The following ARHGEF18 variants were observed in gnomAD, a reference collection of about 807,000 sequenced individuals.
The protein encoded by ARHGEF18 is Rho/Rac guanine nucleotide exchange factor 18.
Under a neutral mutation model 155.7 loss-of-function variants are expected in ARHGEF18, and 93 were observed. The ratio of observed to expected loss-of-function variants is 0.60; its 90% CI spans 0.50 to 0.71. The LOEUF (loss-of-function observed/expected upper bound fraction) is 0.71. Among genes scored for constraint, ARHGEF18 ranks in the 30% least tolerant of loss-of-function variants. The pLI, the probability that ARHGEF18 is intolerant of heterozygous loss-of-function variation, is 0.00. For missense variants in ARHGEF18, 1,593 were observed against 1,816.1 expected (o/e 0.88, Z 2.23); for synonymous variants, 742 against 753.1 (o/e 0.99, Z 0.24).
In ARHGEF18 at chr19:7,411,856, C is replaced by T. The variant is rs77864030; in HGVS notation, c.968-28488C>T. Among the ~76,000 whole-genome samples the T allele has an allele frequency of 9.5e-3, 1,445 of 152,158 alleles. 24 individuals are homozygous for T. Among genetic ancestry groups the T allele is most frequent in the African/African-American group, 0.032 (1,335 of 41,532 alleles). On this transcript the variant is annotated intron_variant, in intron 10 of 28. Transcript: ENST00000668164. The stretch of plus-strand genomic sequence containing the variant: ...GACCTCCTAGAAGTGGAGTCACATA[C>T]GATGTATTCTTTTGTGACTGGCTTA...
chr19:7,440,509 C>T lies in ARHGEF18; in HGVS notation c.1106+27C>T, dbSNP rs547057092. 9 of 1,574,018 alleles carry T rather than the reference C, an allele frequency of 5.7e-6. 1 individual carries two copies. The highest frequency in any genetic ancestry group is 5.2e-6 in the Non-Finnish European group (6 of 1,164,970). ...TAAGCCAGGGTCCCCTCTGTGCCCT[C>T]GGGTGGGTGGTGGCATTCCCCGGGG... is the stretch of plus-strand genomic sequence containing the variant. On this transcript the variant is annotated intron_variant, in intron 11 of 28. Coordinates refer to ENST00000668164, the MANE Select transcript of ARHGEF18 (RefSeq NM_001367823.1). This position sits in a 1 kb window ranked among gnomAD's most constrained non-coding sequence, Gnocchi z 5.4.
rs762390589 is a variant in ARHGEF18, at chr19:7,451,173, C to T, written c.1762C>T (p.Arg588Trp). ...GAAAATTGGCAACTTCTCCATCGTGCGGCGGCTTGGCGTGCAGGAGTGCAT... is the reference window on the plus strand; with the variant it reads ...GAAAATTGGCAACTTCTCCATCGTGTGGCGGCTTGGCGTGCAGGAGTGCAT... ...IKKIGNFSIV[R>W]RLGVQECILL... The change falls in exon 16 of 29, where the codon CGG becomes TGG. Residue 588 changes from arginine (R) to tryptophan (W), a missense_variant. Coordinates refer to ENST00000668164, the MANE Select transcript of ARHGEF18 (RefSeq NM_001367823.1). The T allele has an allele frequency of 1.2e-5, 19 of 1,600,996 alleles. No individual in the cohort carries two copies. The highest frequency in any genetic ancestry group is 5.1e-5 in the Admixed American group (3 of 58,528).
At chr19:7,445,321 A>T (rs1974919988) in intron 14 of ARHGEF18, among the ~76,000 whole-genome samples, 1 of 152,162 alleles carries the variant, frequency 6.6e-6, no homozygotes, top group Non-Finnish European at 1.5e-5. Context: ...GGTGGTGTAT[A>T]GCTGTAGTCC....
chr19:7,369,376 G>A (rs570081107), intron 2 of ARHGEF18, among the ~76,000 whole-genome samples: 3 of 151,838 alleles, frequency 2.0e-5, no homozygotes, highest in Non-Finnish European at 2.9e-5. Context: ...CAGGAGAATC[G>A]CTTGAACCCA....
the ARHGEF18 span, chr19:7,478,423 G>C: frequency 6.4e-7 from 1 of 1,570,842 alleles, no homozygotes; most frequent in South Asian, 1.2e-5. Context: ...GGGAGCAGGA[G>C]GGTTAGCTCC....
chr19:7,397,560 C>G (rs1022499233), intron 10 of ARHGEF18, among the ~76,000 whole-genome samples: 1 of 151,974 alleles, frequency 6.6e-6, no homozygotes, highest in Admixed American at 6.6e-5. Context: ...GGTGAAACCC[C>G]GTCTCTACTA....
At chr19:7,460,251 C>T (rs912632575) in intron 20 of ARHGEF18, among the ~76,000 whole-genome samples, 11 of 152,000 alleles carry the variant, frequency 7.2e-5, no homozygotes, top group Non-Finnish European at 1.3e-4. Context: ...CTTCCAGAGC[C>T]GACCACACAG....
chr19:7,472,482 G>A (rs1262020535), downstream of ARHGEF18: 1 of 161,560 alleles, frequency 6.2e-6, no homozygotes, highest in African/African-American at 2.4e-5. Flanking sequence ...GAGATGAGCG[G>A]TGACTGGCGT....
At position 7,383,053 on chromosome 19, in the gene ARHGEF18, C is replaced by T; in HGVS notation, c.826-9C>T. 8.1e-7 allele frequency: 1 copy of T among 1,232,414 alleles called. No individual in the cohort carries two copies. The highest frequency in any genetic ancestry group is 1.0e-6 in the Non-Finnish European group (1 of 988,156). The allele number at this position is 1,232,414 out of a possible 1,614,324, so 76.3% of individuals were successfully genotyped here. ...AGGGCATCCTGAGACCCACCTCTGTCCCATCCAGGGGAAGAGCCCAGCACA... is the reference window on the plus strand; with the variant it reads ...AGGGCATCCTGAGACCCACCTCTGTTCCATCCAGGGGAAGAGCCCAGCACA... On this transcript the variant is annotated splice_polypyrimidine_tract_variant and intron_variant, in intron 9 of 28. Transcript: ENST00000668164.
At chr19:7,408,173 G>C (rs114752406) in intron 10 of ARHGEF18, among the ~76,000 whole-genome samples, 7 of 152,144 alleles carry the variant, frequency 4.6e-5, no homozygotes, top group East Asian at 1.9e-4. Flanking sequence ...CAGCTACTTG[G>C]GGGGTGAGAC....
chr19:7,420,418 A>C (rs1194731756), intron 10 of ARHGEF18, among the ~76,000 whole-genome samples: 1 of 151,612 alleles, frequency 6.6e-6, no homozygotes, highest in Non-Finnish European at 1.5e-5. Context: ...ACATTCAGCT[A>C]ATTTTTATAT....
intron 2 of ARHGEF18, among the ~76,000 whole-genome samples, chr19:7,364,875 A>G (rs1430505645): frequency 1.3e-5 from 2 of 152,178 alleles, no homozygotes; most frequent in Non-Finnish European, 2.9e-5. Flanking sequence ...TCCAGGAAGC[A>G]GACTCAGACG....
intron 10 of ARHGEF18, chr19:7,392,840 G>C (rs1818972585): frequency 1.3e-5 from 2 of 151,780 alleles, no homozygotes; most frequent in Non-Finnish European, 2.9e-5. Flanking sequence ...GATCACTTGA[G>C]CTCAGGAGTT....
intron 1 of ARHGEF18, among the ~76,000 whole-genome samples, chr19:7,350,040 C>G (rs899995472): frequency 6.6e-6 from 1 of 152,202 alleles, no homozygotes; most frequent in African/African-American, 2.4e-5. Context: ...CAGCCTTCCT[C>G]CAGGTGAGGG....
intron 7 of ARHGEF18, 97 bp downstream of exon 7, chr19:7,379,263 G>A (rs1970611388): frequency 1.2e-5 from 13 of 1,114,006 alleles, no homozygotes; most frequent in Non-Finnish European, 1.5e-5. Context: ...CAGGGGTAGA[G>A]AAGACTGGGT....
intron 10 of ARHGEF18, among the ~76,000 whole-genome samples, chr19:7,414,061 G>T (rs1226995175): frequency 1.3e-5 from 2 of 152,124 alleles, no homozygotes; most frequent in Non-Finnish European, 2.9e-5. Context: ...GGGTTTCCCA[G>T]CCTAGATACT....
Position 7,444,376 on chromosome 19 carries a change from G to T in ARHGEF18, c.1533G>T (p.Glu511Asp). ...THSHFLARLKERRQESLEEGS... is the reference protein window; with the variant it reads ...THSHFLARLKDRRQESLEEGS... ...GCCACTTCCTCGCTCGGCTCAAGGA[G>T]CGCCGCCAGGAGTCCCTGGAGGAGG... Residue 511 changes from glutamate to aspartate, a missense_variant, in exon 14 of 29, where the codon GAG becomes GAT. Coordinates refer to ENST00000668164, the MANE Select transcript of ARHGEF18 (RefSeq NM_001367823.1). The surrounding 1 kb of genome is among the most constrained non-coding windows in gnomAD (Gnocchi z 4.7). 1 of 1,613,646 alleles carries T rather than the reference G, an allele frequency of 6.2e-7. No homozygotes were observed. Among genetic ancestry groups the T allele is most frequent in the African/African-American group, 1.3e-5 (1 of 75,058 alleles).
At chr19:7,381,178 A>G (rs1478614612) in intron 8 of ARHGEF18, among the ~76,000 whole-genome samples, 184 bp downstream of exon 8, 2 of 152,090 alleles carry the variant, frequency 1.3e-5, no homozygotes, top group Non-Finnish European at 2.9e-5. Flanking sequence ...ACAGAGGAAG[A>G]CTTCCTGGAG....
intron 10 of ARHGEF18, among the ~76,000 whole-genome samples, chr19:7,387,159 T>C (rs1191436063): frequency 6.6e-6 from 1 of 151,986 alleles, no homozygotes; most frequent in African/African-American, 2.4e-5. Flanking sequence ...TTGTTGTTTG[T>C]TTGTTTGTTT....
Sources: allele counts gnomAD v4.1 joint callset (sites outside exome capture counted in the v4.1 genomes callset), GRCh38; gene constraint gnomAD v4.1.1; non-coding constraint Gnocchi (gnomAD v3.1); transcripts MANE v1.5; gene names NCBI Gene and HGNC (gene_info 2026-07-23, HGNC 2026-07-21).